RASGRF2: variants seen among roughly 807,000 people sequenced by gnomAD.
RASGRF2 encodes Ras protein specific guanine nucleotide releasing factor 2, also known as ras-specific guanine nucleotide-releasing factor 2.
In RASGRF2, 76 loss-of-function variants were observed where a neutral mutation model predicts 151.0. That is an observed-to-expected ratio of 0.50 (90% CI 0.42 to 0.61). RASGRF2 has a LOEUF of 0.61. Among genes scored for constraint, RASGRF2 ranks in the 20% least tolerant of loss-of-function variants. RASGRF2 has a pLI of 0.00. For synonymous variants in RASGRF2, 504 were observed against 566.5 expected (o/e 0.89, Z 1.57); for missense variants, 1,148 against 1,564.6 (o/e 0.73, Z 4.49).
At chr5:81,044,183 T>G (rs1480096158) in intron 2 of RASGRF2, among the ~76,000 whole-genome samples, 1 of 152,064 alleles carries the variant, frequency 6.6e-6, no homozygotes, top group Admixed American at 6.5e-5. Context: ...TTTGGGAGGC[T>G]GAAGTGGGCA....
intron 12 of RASGRF2, among the ~76,000 whole-genome samples, chr5:81,101,891 C>T (rs567970398): frequency 1.3e-5 from 2 of 152,222 alleles, no homozygotes; most frequent in East Asian, 1.9e-4. Context: ...TGAGACTTGA[C>T]ACTGGATAAT....
intron 17 of RASGRF2, among the ~76,000 whole-genome samples, chr5:81,153,625 T>C (rs563126665): frequency 6.6e-6 from 1 of 152,320 alleles, no homozygotes; most frequent in South Asian, 2.1e-4. Flanking sequence ...AACCACTAAA[T>C]TCATGGTAAT....
intron 1 of RASGRF2, among the ~76,000 whole-genome samples, chr5:80,993,416 G>C (rs1364816059): frequency 3.3e-5 from 5 of 152,212 alleles, no homozygotes; most frequent in African/African-American, 1.2e-4. Context: ...ATACAAAATA[G>C]AGTAAATCCA....
intron 8 of RASGRF2, among the ~76,000 whole-genome samples, chr5:81,086,143 G>A (rs1398314527): frequency 6.6e-6 from 1 of 152,072 alleles, no homozygotes; most frequent in Non-Finnish European, 1.5e-5. Flanking sequence ...GTGAATTTAT[G>A]TAATTCAGAT....
chr5:81,079,078 G>A (rs899264349), intron 5 of RASGRF2, among the ~76,000 whole-genome samples: 1 of 152,102 alleles, frequency 6.6e-6, no homozygotes. Flanking sequence ...CCCTACTTCC[G>A]CCTTCTGTGT....
At chr5:81,098,225 C>T (rs974143611) in intron 12 of RASGRF2, among the ~76,000 whole-genome samples, 7 of 152,136 alleles carry the variant, frequency 4.6e-5, no homozygotes, top group African/African-American at 1.4e-4. Context: ...TTGTCATTAC[C>T]TGAGATGGAG....
At chr5:80,986,387 T>C (rs1748473263) in intron 1 of RASGRF2, among the ~76,000 whole-genome samples, 2 of 152,220 alleles carry the variant, frequency 1.3e-5, no homozygotes. Flanking sequence ...TTGTTGGTTA[T>C]TATCTGTGTA....
At chr5:81,099,794 TA>T (rs1451413779) in intron 12 of RASGRF2, among the ~76,000 whole-genome samples, 6 of 152,216 alleles carry the variant, frequency 3.9e-5, no homozygotes, top group African/African-American at 1.4e-4. Context: ...AGGTAGACAG[TA>T]ATTCACTGGC....
At chr5:81,163,595 G>A (rs140666651) in intron 17 of RASGRF2, among the ~76,000 whole-genome samples, 40 of 152,182 alleles carry the variant, frequency 2.6e-4, no homozygotes, top group Middle Eastern at 3.4e-3. Context: ...ATGTGGTCTC[G>A]CTACAAAAGA....
intron 18 of RASGRF2, among the ~76,000 whole-genome samples, chr5:81,200,077 C>T (rs577263193): frequency 2.0e-5 from 3 of 151,422 alleles, no homozygotes; most frequent in Non-Finnish European, 4.4e-5. Flanking sequence ...TTGAGACCAG[C>T]CTGGGCAACA....
At chr5:81,128,278 T>G (rs1224655209) in intron 17 of RASGRF2, among the ~76,000 whole-genome samples, 1 of 152,220 alleles carries the variant, frequency 6.6e-6, no homozygotes, top group Admixed American at 6.6e-5. Context: ...GAGTAGATTT[T>G]AGATGCTCTC....
Position 80,994,571 on chromosome 5 carries a change from G to A in RASGRF2, c.288+33545G>A, listed in dbSNP as rs145092550. 1.6e-3 allele frequency among the ~76,000 whole-genome samples: 245 copies of A among 152,206 alleles called. 1 individual carries two copies. Among genetic ancestry groups the A allele is most frequent in the Non-Finnish European group, 2.8e-3 (190 of 68,012 alleles). On this transcript the variant is annotated intron_variant, in intron 1 of 26. Coordinates refer to ENST00000265080, the MANE Select transcript of RASGRF2 (RefSeq NM_006909.3). ...AAAATTTCATTTGCTGCTTTCTAGTGTTGGAGAAAGATCCCCATTTTCTGA... is the reference window on the plus strand; with the variant it reads ...AAAATTTCATTTGCTGCTTTCTAGTATTGGAGAAAGATCCCCATTTTCTGA...
chr5:81,064,861 G>A (rs530150075), intron 2 of RASGRF2, among the ~76,000 whole-genome samples: 1 of 152,262 alleles, frequency 6.6e-6, no homozygotes, highest in East Asian at 1.9e-4. Flanking sequence ...ATGTTATATG[G>A]CAAAGGAAAA....
At chr5:81,168,866 T>A (rs74748346) in intron 17 of RASGRF2, among the ~76,000 whole-genome samples, 1 of 152,210 alleles carries the variant, frequency 6.6e-6, no homozygotes, top group African/African-American at 2.4e-5. Context: ...CAGCGATCAC[T>A]TCTTCCTTGT....
chr5:81,182,064 TGTTTAGACGGTTCAGCTGC>T (rs1219036778), intron 18 of RASGRF2, among the ~76,000 whole-genome samples: 5 of 152,168 alleles, frequency 3.3e-5, no homozygotes, highest in African/African-American at 7.2e-5. Context: ...GCAGCTGAAT[TGTTTAGACGGTTCAGCTGC>T]GTTGCGACCT....
chr5:81,226,643 A>G lies in RASGRF2; in HGVS notation c.*873A>G, dbSNP rs1343765306. 2 of 152,214 alleles carry G rather than the reference A, an allele frequency of 1.3e-5. No individual in the cohort carries two copies. Among genetic ancestry groups the G allele is most frequent in the Non-Finnish European group, 2.9e-5 (2 of 68,052 alleles). The allele number at this position is 152,214 out of a possible 1,614,324, so 9.4% of individuals were successfully genotyped here. The stretch of plus-strand genomic sequence containing the variant: ...GGGTTTCAGTGCTGAGTGAAAATCT[A>G]TACCTAAAAATCATCTCTGCACCTT... On this transcript the variant is annotated 3_prime_UTR_variant, in exon 27 of 27. Coordinates refer to ENST00000265080, the MANE Select transcript of RASGRF2 (RefSeq NM_006909.3).
intron 18 of RASGRF2, among the ~76,000 whole-genome samples, chr5:81,187,440 C>T (rs1755049767): frequency 6.6e-6 from 1 of 152,220 alleles, no homozygotes; most frequent in Non-Finnish European, 1.5e-5. Flanking sequence ...TCCCACAGTG[C>T]CTCATTCCTC....
chr5:81,123,971 C>T (rs1167152015), intron 16 of RASGRF2, among the ~76,000 whole-genome samples: 2 of 152,204 alleles, frequency 1.3e-5, no homozygotes, highest in East Asian at 1.9e-4. Flanking sequence ...CAACCAATCA[C>T]CCATCAAAAA....
At chr5:81,015,515 A>AT (rs1333853604) in intron 1 of RASGRF2, among the ~76,000 whole-genome samples, 1 of 151,832 alleles carries the variant, frequency 6.6e-6, no homozygotes, top group African/African-American at 2.4e-5. Flanking sequence ...ATTATCAGTG[A>AT]TTTTTTTTCA....
Sources: gnomAD v4.1 joint callset for allele counts (sites outside exome capture counted in the v4.1 genomes callset) on GRCh38, gnomAD v4.1.1 for gene constraint, MANE v1.5 for transcripts, NCBI Gene and HGNC (gene_info 2026-07-23, HGNC 2026-07-21) for gene names.